The following BACH2 variants were observed in gnomAD, a reference collection of about 807,000 sequenced individuals.
BACH2 encodes transcription regulator protein BACH2.
In BACH2, 5 loss-of-function variants were observed where a neutral mutation model predicts 61.8. That is an observed-to-expected ratio of 0.08 (90% CI 0.04 to 0.17). BACH2 has a LOEUF of 0.17. Among genes scored for constraint, BACH2 ranks in the 10% least tolerant of loss-of-function variants. The probability of loss-of-function intolerance (pLI) is 1.00; values close to 1 mark genes in which losing one functional copy is unlikely to be tolerated. For synonymous variants in BACH2, 446 were observed against 440.1 expected (o/e 1.01, Z -0.17); for missense variants, 824 against 1,091.1 (o/e 0.76, Z 3.45).
intron 4 of BACH2, among the ~76,000 whole-genome samples, chr6:90,131,836 G>A (rs1226530628): frequency 6.6e-6 from 1 of 152,212 alleles, no homozygotes; most frequent in Non-Finnish European, 1.5e-5. Flanking sequence ...ATGCCAAGCT[G>A]AGCAAGCTGC....
chr6:90,224,789 C>A (rs533817401), intron 3 of BACH2, among the ~76,000 whole-genome samples: 11 of 152,250 alleles, frequency 7.2e-5, no homozygotes, highest in Non-Finnish European at 1.3e-4. Flanking sequence ...AATGGAAGAA[C>A]AACAATTTGG....
chr6:90,276,712 C>T (rs1771704966), intron 1 of BACH2, among the ~76,000 whole-genome samples: 1 of 152,128 alleles, frequency 6.6e-6, no homozygotes. Flanking sequence ...TTTAACCCAA[C>T]CCCATTTTCT....
At chr6:90,116,480 T>C (rs1190043627) in intron 4 of BACH2, among the ~76,000 whole-genome samples, 2 of 152,082 alleles carry the variant, frequency 1.3e-5, no homozygotes, top group Non-Finnish European at 2.9e-5. Flanking sequence ...CAATGAACAC[T>C]GGGGTCTACT....
At chr6:90,214,113 C>G (rs912269045) in intron 3 of BACH2, among the ~76,000 whole-genome samples, 1 of 152,134 alleles carries the variant, frequency 6.6e-6, no homozygotes, top group African/African-American at 2.4e-5. Context: ...AGGAATCATG[C>G]ATTAAGTTTA....
chr6:90,012,687 G>C (rs1025263059), intron 5 of BACH2, among the ~76,000 whole-genome samples: 6 of 150,676 alleles, frequency 4.0e-5, no homozygotes, highest in African/African-American at 1.5e-4. Context: ...ATTTTTTTTG[G>C]AGACAGTCTC....
At chr6:90,122,692 T>C (rs930152706) in intron 4 of BACH2, among the ~76,000 whole-genome samples, 2 of 152,172 alleles carry the variant, frequency 1.3e-5, no homozygotes, top group Admixed American at 1.3e-4. Flanking sequence ...AGGCAAGAAG[T>C]GTGAATGTGT....
At chr6:90,118,437 G>C (rs569679210) in intron 4 of BACH2, among the ~76,000 whole-genome samples, 1 of 152,286 alleles carries the variant, frequency 6.6e-6, no homozygotes, top group East Asian at 1.9e-4. Flanking sequence ...CCACTTTATT[G>C]CATCTAAGTA....
At chr6:90,057,517 G>A (rs902035788) in intron 5 of BACH2, among the ~76,000 whole-genome samples, 1 of 152,174 alleles carries the variant, frequency 6.6e-6, no homozygotes, top group Non-Finnish European at 1.5e-5. Context: ...GGAACCAGGT[G>A]GATTCACAGC....
At chr6:90,127,329 G>A (rs1197120669) in intron 4 of BACH2, among the ~76,000 whole-genome samples, 1 of 152,170 alleles carries the variant, frequency 6.6e-6, no homozygotes, top group Non-Finnish European at 1.5e-5. Flanking sequence ...CCTTTTTGAG[G>A]TGAAGCAAGG....
chr6:89,973,265 T>C (rs1290947865), intron 6 of BACH2, among the ~76,000 whole-genome samples: 1 of 59,368 alleles, frequency 1.7e-5, no homozygotes, highest in African/African-American at 7.2e-5. Context: ...TAAGAAAATA[T>C]AAAAAATAAA....
intron 5 of BACH2, among the ~76,000 whole-genome samples, chr6:90,030,343 C>T (rs1386111656): frequency 6.6e-6 from 1 of 152,060 alleles, no homozygotes; most frequent in Non-Finnish European, 1.5e-5. Context: ...GTAGACGTGG[C>T]TCTGGAAGGC....
intron 6 of BACH2, among the ~76,000 whole-genome samples, chr6:90,007,827 C>T (rs150317842): frequency 6.6e-6 from 1 of 152,310 alleles, no homozygotes; most frequent in East Asian, 1.9e-4. Context: ...GCTGGTGGTA[C>T]ACAGGGAATG....
At chr6:90,264,432 G>C (rs1316965666) in intron 2 of BACH2, among the ~76,000 whole-genome samples, 1 of 151,740 alleles carries the variant, frequency 6.6e-6, no homozygotes, top group Non-Finnish European at 1.5e-5. Context: ...ATAAACAAAG[G>C]GTATATAAAT....
At chr6:90,256,090 C>T (rs983249411) in intron 2 of BACH2, among the ~76,000 whole-genome samples, 12 of 152,142 alleles carry the variant, frequency 7.9e-5, no homozygotes, top group Non-Finnish European at 1.6e-4. Flanking sequence ...CACCAGTGAA[C>T]TCAATGTTGA....
chr6:90,141,867 G>A (rs1024886374), intron 4 of BACH2, among the ~76,000 whole-genome samples: 2 of 152,178 alleles, frequency 1.3e-5, no homozygotes, highest in Non-Finnish European at 2.9e-5. Flanking sequence ...GACCACTTAA[G>A]GCCAGGAGTT....
At chr6:90,028,203 A>C (rs1778736798) in intron 5 of BACH2, among the ~76,000 whole-genome samples, 1 of 152,238 alleles carries the variant, frequency 6.6e-6, no homozygotes, top group Non-Finnish European at 1.5e-5. Context: ...TGCTCGCATC[A>C]GGAATTATCC....
chr6:89,989,823 G>A (rs1776444874), intron 6 of BACH2, among the ~76,000 whole-genome samples: 1 of 152,186 alleles, frequency 6.6e-6, no homozygotes, highest in Admixed American at 6.5e-5. Context: ...AATCTTGGAG[G>A]GAGAGCAGAA....
intron 5 of BACH2, among the ~76,000 whole-genome samples, chr6:90,009,433 T>C (rs904789995): frequency 5.9e-5 from 9 of 152,228 alleles, no homozygotes; most frequent in Non-Finnish European, 8.8e-5. Flanking sequence ...GAGTCAGCTA[T>C]TGCATCTGCC....
chr6:90,236,306 G>C (rs1465088799), intron 3 of BACH2, among the ~76,000 whole-genome samples: 1 of 152,204 alleles, frequency 6.6e-6, no homozygotes, highest in African/African-American at 2.4e-5. Flanking sequence ...GTCAACTAAC[G>C]ATTAGAAACA....
Sources: gnomAD v4.1 joint callset for allele counts (sites outside exome capture counted in the v4.1 genomes callset) on GRCh38, gnomAD v4.1.1 for gene constraint, MANE v1.5 for transcripts, NCBI Gene and HGNC (gene_info 2026-07-23, HGNC 2026-07-21) for gene names.